Variants in PTK2 observed in about 807,000 individuals in gnomAD.
PTK2 encodes the protein protein tyrosine kinase 2, also known as focal adhesion kinase 1.
A neutral mutation model predicts 150.1 loss-of-function variants in PTK2; 45 were observed. The ratio of observed to expected loss-of-function variants is 0.30; its 90% CI spans 0.24 to 0.38. PTK2 has a LOEUF of 0.38. PTK2 is among the 10% of genes least tolerant of loss of function. PTK2 has a pLI of 1.00. For missense variants in PTK2, 919 were observed against 1,307.3 expected (o/e 0.70, Z 4.58); for synonymous variants, 432 against 449.2 (o/e 0.96, Z 0.48).
At chr8:140,762,541 T>C (rs1454666658) in intron 15 of PTK2, among the ~76,000 whole-genome samples, 153 bp from the exon 18 acceptor site, 2 of 152,202 alleles carry the variant, frequency 1.3e-5, no homozygotes, top group African/African-American at 4.8e-5. Flanking sequence ...AAGAACTAAA[T>C]ACAAGTAAAA....
chr8:140,722,443 T>C (rs1021080758), intron 22 of PTK2, among the ~76,000 whole-genome samples: 1 of 152,024 alleles, frequency 6.6e-6, no homozygotes, highest in Non-Finnish European at 1.5e-5. Context: ...TTTGTAACAA[T>C]TAAATAATAA....
intron 12 of PTK2, 56 bp from the exon 13 acceptor site, chr8:140,793,440 TG>T: frequency 1.3e-6 from 2 of 1,579,354 alleles, no homozygotes; most frequent in South Asian, 2.3e-5. Context: ...TTTGAAAAGA[TG>T]GTGCCTAGAA....
chr8:140,929,920 G>C (rs1055510702), intron 1 of PTK2, among the ~76,000 whole-genome samples: 1 of 152,154 alleles, frequency 6.6e-6, no homozygotes, highest in Admixed American at 6.5e-5. Context: ...CATCATTACT[G>C]TCTGCCTCTT....
chr8:141,001,327 GGCGCGCGTCCTCTCTCGGCA>G (rs1438824654), upstream of PTK2: 1 of 147,616 alleles, frequency 6.8e-6, no homozygotes, highest in Non-Finnish European at 1.5e-5. Flanking sequence ...AGCCGGCTGA[GGCGCGCGTCCTCTCTCGGCA>G]GCGCACGCCC....
chr8:140,895,570 G>A (rs929635943), intron 2 of PTK2, among the ~76,000 whole-genome samples: 4 of 151,738 alleles, frequency 2.6e-5, no homozygotes, highest in Admixed American at 1.3e-4. Flanking sequence ...TATTAGAAGC[G>A]AAGGTTGAGT....
At chr8:140,900,485 G>A (rs769370511) in intron 2 of PTK2, among the ~76,000 whole-genome samples, 10 of 152,134 alleles carry the variant, frequency 6.6e-5, no homozygotes, top group Non-Finnish European at 1.5e-4. Context: ...ACTTTGGGAG[G>A]TCAAGGCAGG....
At chr8:140,755,871 T>C (rs1003381780) in intron 16 of PTK2, among the ~76,000 whole-genome samples, 1 of 152,216 alleles carries the variant, frequency 6.6e-6, no homozygotes, top group African/African-American at 2.4e-5. Flanking sequence ...TCATCAAGAA[T>C]GCTTGATAAA....
At chr8:140,861,783 G>A (rs1007010694) in intron 5 of PTK2, among the ~76,000 whole-genome samples, 1 of 152,134 alleles carries the variant, frequency 6.6e-6, no homozygotes, top group Non-Finnish European at 1.5e-5. Flanking sequence ...TACAGAACAA[G>A]CACACGACTG....
At chr8:140,944,407 C>T (rs1238752443) in intron 1 of PTK2, among the ~76,000 whole-genome samples, 11 of 152,180 alleles carry the variant, frequency 7.2e-5, no homozygotes, top group Admixed American at 7.2e-4. Flanking sequence ...CAATTGTGCA[C>T]TGTGGTTAAC....
intron 22 of PTK2, among the ~76,000 whole-genome samples, chr8:140,721,079 T>A (rs543463636): frequency 2.5e-4 from 38 of 152,076 alleles, no homozygotes; most frequent in South Asian, 1.0e-3. Flanking sequence ...TTCTTTATTT[T>A]TTTTTTTTTA....
intron 10 of PTK2, among the ~76,000 whole-genome samples, chr8:140,810,932 A>G (rs1314555049): frequency 3.3e-5 from 5 of 152,228 alleles, no homozygotes; most frequent in Non-Finnish European, 2.9e-5. Context: ...ACCAGCACCA[A>G]TGCTGCACAG....
chr8:140,725,690 T>C (rs1180964452), intron 22 of PTK2, among the ~76,000 whole-genome samples: 1 of 152,222 alleles, frequency 6.6e-6, no homozygotes, highest in African/African-American at 2.4e-5. Flanking sequence ...CTGCTGATCC[T>C]AGAATCATGC....
intron 27 of PTK2, among the ~76,000 whole-genome samples, chr8:140,682,121 T>C (rs958904117): frequency 6.6e-6 from 1 of 152,216 alleles, no homozygotes; most frequent in Non-Finnish European, 1.5e-5. Context: ...TACAACCATG[T>C]AGTAAGAGCA....
At chr8:140,744,669 G>T in exon 19 of PTK2, 1 of 1,583,290 alleles carries the variant, frequency 6.3e-7, no homozygotes, top group Non-Finnish European at 8.6e-7. Flanking sequence ...CAAATCTTTT[G>T]CTCTCTAGAT....
At chr8:140,732,365 T>C (rs909804032) in intron 22 of PTK2, among the ~76,000 whole-genome samples, 1 of 152,236 alleles carries the variant, frequency 6.6e-6, no homozygotes, top group African/African-American at 2.4e-5. Flanking sequence ...CCATAAATTA[T>C]ACTACAGGTA....
At chr8:140,676,108 G>A (rs1362771828) in intron 27 of PTK2, among the ~76,000 whole-genome samples, 2 of 152,202 alleles carry the variant, frequency 1.3e-5, no homozygotes, top group Admixed American at 6.5e-5. Flanking sequence ...TGGGCACAGT[G>A]GCTCATGCCT....
At chr8:140,939,858 C>A (rs2100175042) in intron 1 of PTK2, among the ~76,000 whole-genome samples, 1 of 152,092 alleles carries the variant, frequency 6.6e-6, no homozygotes, top group Non-Finnish European at 1.5e-5. Flanking sequence ...AAGAAAGATA[C>A]CTTTTAAAAG....
At chr8:140,984,440 A>G (rs910469280) in intron 1 of PTK2, among the ~76,000 whole-genome samples, 1 of 152,158 alleles carries the variant, frequency 6.6e-6, no homozygotes, top group Non-Finnish European at 1.5e-5. Flanking sequence ...TCACCTGGGA[A>G]CTTAGGAAAA....
At chr8:140,864,855 G>T (rs2100138342) in intron 4 of PTK2, among the ~76,000 whole-genome samples, 1 of 152,198 alleles carries the variant, frequency 6.6e-6, no homozygotes, top group Non-Finnish European at 1.5e-5. Context: ...CTCTTTATGT[G>T]TATGTGTGGC....
Sources: allele counts gnomAD v4.1 joint callset (sites outside exome capture counted in the v4.1 genomes callset), GRCh38; gene constraint gnomAD v4.1.1; transcripts MANE v1.5; gene names NCBI Gene and HGNC (gene_info 2026-07-23, HGNC 2026-07-21).